The following SPMIP2 variants were observed in gnomAD, a reference collection of about 807,000 sequenced individuals.
SPMIP2 encodes protein SPMIP2.
the SPMIP2 span, among the ~76,000 whole-genome samples, chr4:159,066,418 C>T: frequency 1.5e-4 from 23 of 151,770 alleles, no homozygotes; most frequent in African/African-American, 5.1e-4. Flanking sequence ...CCTGGGCTCA[C>T]GCAAGACAGA....
At chr4:159,069,883 T>C in the SPMIP2 span, among the ~76,000 whole-genome samples, 1 of 152,188 alleles carries the variant, frequency 6.6e-6, no homozygotes, top group Non-Finnish European at 1.5e-5. Flanking sequence ...AAGAATGGCT[T>C]CCACCTGTCT....
At chr4:158,966,951 G>A in the SPMIP2 span, among the ~76,000 whole-genome samples, 13 of 152,270 alleles carry the variant, frequency 8.5e-5, no homozygotes, top group African/African-American at 2.4e-4. Flanking sequence ...AATTGGGGGC[G>A]GGGATGCCCA....
At chr4:159,008,816 AT>A in the SPMIP2 span, among the ~76,000 whole-genome samples, 1 of 152,226 alleles carries the variant, frequency 6.6e-6, no homozygotes, top group Non-Finnish European at 1.5e-5. Flanking sequence ...CATTTCATGA[AT>A]TCCATTCCTG....
At chr4:159,009,944 T>A in the SPMIP2 span, among the ~76,000 whole-genome samples, 1 of 152,126 alleles carries the variant, frequency 6.6e-6, no homozygotes, top group Non-Finnish European at 1.5e-5. Flanking sequence ...CAGTGAGTTT[T>A]GATTGCGCCA....
chr4:158,948,405 A>G, the SPMIP2 span, among the ~76,000 whole-genome samples: 8 of 152,090 alleles, frequency 5.3e-5, no homozygotes, highest in Non-Finnish European at 1.0e-4. Flanking sequence ...TTCTAGGTTA[A>G]AAGTCATCTT....
the SPMIP2 span, among the ~76,000 whole-genome samples, chr4:159,041,197 A>C: frequency 6.6e-6 from 1 of 152,188 alleles, no homozygotes; most frequent in Non-Finnish European, 1.5e-5. Context: ...TGACGCTGAG[A>C]GTATAGTGGT....
chr4:159,074,435 C>G, the SPMIP2 span, among the ~76,000 whole-genome samples: 1 of 152,060 alleles, frequency 6.6e-6, no homozygotes, highest in African/African-American at 2.4e-5. Context: ...GAAGGCTCTA[C>G]TTGAGAAGAT....
chr4:159,023,584 A>C, the SPMIP2 span, among the ~76,000 whole-genome samples: 5 of 152,216 alleles, frequency 3.3e-5, no homozygotes, highest in African/African-American at 1.2e-4. Flanking sequence ...AGTAGATGTT[A>C]TGAATAAATC....
At chr4:158,945,634 G>A in the SPMIP2 span, among the ~76,000 whole-genome samples, 5 of 152,130 alleles carry the variant, frequency 3.3e-5, no homozygotes, top group Non-Finnish European at 5.9e-5. Context: ...ACATAGAGCC[G>A]CATGGCTGTC....
the SPMIP2 span, among the ~76,000 whole-genome samples, chr4:158,894,933 T>G: frequency 6.6e-6 from 1 of 152,166 alleles, no homozygotes. Context: ...TGTTAATCTT[T>G]TTACCTTGAA....
the SPMIP2 span, among the ~76,000 whole-genome samples, chr4:159,004,511 G>A: frequency 2.0e-5 from 3 of 151,902 alleles, no homozygotes; most frequent in South Asian, 2.1e-4. Context: ...GGCTTGTCTC[G>A]AACTCTTGAC....
the SPMIP2 span, among the ~76,000 whole-genome samples, chr4:159,053,516 C>T: frequency 6.6e-6 from 1 of 152,136 alleles, no homozygotes; most frequent in Non-Finnish European, 1.5e-5. Flanking sequence ...TCCCCTAGCC[C>T]GTGCCTTCCT....
At chr4:158,902,063 A>C in the SPMIP2 span, among the ~76,000 whole-genome samples, 3 of 151,746 alleles carry the variant, frequency 2.0e-5, no homozygotes, top group East Asian at 3.9e-4. Context: ...TGGAGGAGAG[A>C]GCATTCTGGT....
At chr4:159,013,004 G>T in the SPMIP2 span, among the ~76,000 whole-genome samples, 2 of 152,282 alleles carry the variant, frequency 1.3e-5, no homozygotes, top group African/African-American at 4.8e-5. Flanking sequence ...TTACATGTTT[G>T]AATATGTTGT....
At chr4:158,916,619 A>AT in the SPMIP2 span, among the ~76,000 whole-genome samples, 1 of 150,734 alleles carries the variant, frequency 6.6e-6, no homozygotes, top group African/African-American at 2.4e-5. Flanking sequence ...ATGTATGTAC[A>AT]TATGTATGTA....
the SPMIP2 span, among the ~76,000 whole-genome samples, chr4:158,977,822 G>A: frequency 6.6e-6 from 1 of 151,938 alleles, no homozygotes; most frequent in Non-Finnish European, 1.5e-5. Flanking sequence ...CACTGTGTTA[G>A]CCAGGATGGT....
chr4:158,976,225 A>T, the SPMIP2 span, among the ~76,000 whole-genome samples: 1 of 152,222 alleles, frequency 6.6e-6, no homozygotes, highest in African/African-American at 2.4e-5. Flanking sequence ...TAATCATGTC[A>T]TCTGCAAAGA....
chr4:159,070,226 C>G, the SPMIP2 span, among the ~76,000 whole-genome samples: 5 of 152,182 alleles, frequency 3.3e-5, no homozygotes. Context: ...TTTGTGCCAT[C>G]GAGTTGTTTA....
the SPMIP2 span, among the ~76,000 whole-genome samples, chr4:158,996,159 G>A: frequency 5.6e-4 from 85 of 152,292 alleles, no homozygotes; most frequent in African/African-American, 1.9e-3. Flanking sequence ...TAAATTTGCT[G>A]ATGTAATCAA....
Sources: allele counts gnomAD v4.1 joint callset (sites outside exome capture counted in the v4.1 genomes callset), GRCh38; gene constraint gnomAD v4.1.1; transcripts MANE v1.5; gene names NCBI Gene and HGNC (gene_info 2026-07-23, HGNC 2026-07-21).